The following KLHL1 variants were observed in gnomAD, a reference collection of about 807,000 sequenced individuals.
KLHL1 encodes the protein kelch-like protein 1.
Under a neutral mutation model 77.7 loss-of-function variants are expected in KLHL1, and 47 were observed. The ratio of observed to expected loss-of-function variants is 0.60; its 90% CI spans 0.48 to 0.77. The LOEUF is 0.77. KLHL1 is among the 30% of genes least tolerant of loss of function. KLHL1 has a pLI of 0.00. For synonymous variants in KLHL1, 360 were observed against 325.2 expected, an observed-to-expected ratio of 1.11 and a Z score of -1.15; for missense variants, 925 against 910.8, an observed-to-expected ratio of 1.02 and a Z score of -0.20.
chr13:69,792,769 G>A (rs1400304030), intron 7 of KLHL1, among the ~76,000 whole-genome samples: 1 of 152,050 alleles, frequency 6.6e-6, no homozygotes, highest in Non-Finnish European at 1.5e-5. Context: ...CTACATGAAA[G>A]AAGCCATACA....
At chr13:70,107,078 G>A in intron 1 of KLHL1, 125 bp downstream of exon 1, 1 of 1,380,364 alleles carries the variant, frequency 7.2e-7, no homozygotes, top group Non-Finnish European at 9.7e-7. Flanking sequence ...ATCAAAACCA[G>A]GGTGGCATCT....
At chr13:70,080,647 G>T (rs1215669868) in intron 1 of KLHL1, among the ~76,000 whole-genome samples, 1 of 151,734 alleles carries the variant, frequency 6.6e-6, no homozygotes, top group Non-Finnish European at 1.5e-5. Context: ...ACCAGGCTGG[G>T]GTGCAGTGTC....
rs1051913765 is a variant in KLHL1 at position 69,818,429 on chromosome 13, C to T, written c.1414+20547G>A. Among the ~76,000 whole-genome samples the T allele has an allele frequency of 4.6e-5, 7 of 151,916 alleles. No individual in the cohort carries two copies. The South Asian group carries it at 6.2e-4, about 13-fold the overall frequency. ...AGAGATGGGGTTTCACCATGTTGGT[C>T]AGGCTGGTCTCCATCTCTTGACCTC... On this transcript the variant is annotated intron_variant, in intron 6 of 10. Transcript: ENST00000377844.
intron 4 of KLHL1, among the ~76,000 whole-genome samples, chr13:69,931,083 T>C (rs1882990930): frequency 6.6e-6 from 1 of 151,408 alleles, no homozygotes; most frequent in Non-Finnish European, 1.5e-5. Flanking sequence ...AACACTACTT[T>C]ATAAAATGAT....
At chr13:69,872,300 A>G (rs546661661) in intron 5 of KLHL1, among the ~76,000 whole-genome samples, 1 of 152,266 alleles carries the variant, frequency 6.6e-6, no homozygotes, top group Non-Finnish European at 1.5e-5. Context: ...AAACATGAGC[A>G]ATCGGCCTGT....
chr13:69,719,334 T>C (rs1240324882), intron 9 of KLHL1, 35 bp downstream of exon 9: 1 of 1,580,188 alleles, frequency 6.3e-7, no homozygotes, highest in Non-Finnish European at 8.7e-7. Flanking sequence ...ATTTGCACTG[T>C]CTCTTTCGCT....
At chr13:69,750,559 C>A (rs1874432296) in intron 7 of KLHL1, among the ~76,000 whole-genome samples, 1 of 151,514 alleles carries the variant, frequency 6.6e-6, no homozygotes, top group Admixed American at 6.6e-5. Flanking sequence ...ACAAAAATCA[C>A]CCCCAAAATA....
rs1182997983 is a variant in KLHL1 at position 69,840,785 on chromosome 13, ATT to A, written c.1228-1625_1228-1624del. Among the ~76,000 whole-genome samples, 1,182 of 144,814 alleles carry A rather than the reference ATT, an allele frequency of 8.2e-3. 14 individuals carry two copies. Among genetic ancestry groups the A allele is most frequent in the African/African-American group, 0.027 (1,094 of 39,806 alleles). Reference sequence around the variant, plus strand: ...TTGAAAGGACTACTATTTTTAGTAAATTTTTTTTTTTTTATTCACCAAAGGGA... The same window carrying A: ...TTGAAAGGACTACTATTTTTAGTAAATTTTTTTTTTTATTCACCAAAGGGA... On this transcript the variant is annotated intron_variant, in intron 5 of 10. Coordinates refer to ENST00000377844, the MANE Select transcript of KLHL1 (RefSeq NM_020866.3).
At chr13:70,037,687 C>T (rs1886273606) in intron 1 of KLHL1, among the ~76,000 whole-genome samples, 1 of 151,882 alleles carries the variant, frequency 6.6e-6, no homozygotes, top group African/African-American at 2.4e-5. Context: ...TTTTAAATAT[C>T]TTCTTCATTC....
intron 3 of KLHL1, among the ~76,000 whole-genome samples, chr13:69,953,809 T>C (rs1161619259): frequency 1.3e-5 from 2 of 151,208 alleles, no homozygotes. Flanking sequence ...GTGAATATCC[T>C]CTCCCAGTTC....
At chr13:69,881,382 A>T (rs112039483) in intron 5 of KLHL1, among the ~76,000 whole-genome samples, 1 of 152,108 alleles carries the variant, frequency 6.6e-6, no homozygotes, top group Non-Finnish European at 1.5e-5. Context: ...TAACATATGG[A>T]TTAGTAAAAA....
intron 2 of KLHL1, 144 bp downstream of exon 2, chr13:69,975,476 C>A: frequency 1.4e-6 from 1 of 701,128 alleles, no homozygotes; most frequent in Non-Finnish European, 2.2e-6. Flanking sequence ...CAAGTATAAA[C>A]AAAACAAACA....
intron 1 of KLHL1, among the ~76,000 whole-genome samples, chr13:70,053,761 C>G (rs941483011): frequency 6.6e-6 from 1 of 152,088 alleles, no homozygotes; most frequent in Non-Finnish European, 1.5e-5. Context: ...AATGACCAGA[C>G]TAATTGCCTA....
At chr13:69,771,646 TC>T in intron 7 of KLHL1, among the ~76,000 whole-genome samples, 1 of 152,200 alleles carries the variant, frequency 6.6e-6, no homozygotes, top group Non-Finnish European at 1.5e-5. Context: ...AAACAGATAT[TC>T]TTTTTTCCTT....
chr13:69,992,126 G>A lies in KLHL1; in HGVS notation c.498-16324C>T, dbSNP rs1022326100. ...AGTATATGTCCTGGCCAGAAACTTC[G>A]AAATCTACTGAAACACTTCATTTTA... On this transcript the variant is annotated intron_variant, in intron 1 of 10. Coordinates refer to ENST00000377844, the MANE Select transcript of KLHL1 (RefSeq NM_020866.3). 5.3e-5 allele frequency among the ~76,000 whole-genome samples: 8 copies of A among 151,782 alleles called. 1 individual carries two copies. Among genetic ancestry groups the A allele is most frequent in the African/African-American group, 1.5e-4 (6 of 41,338 alleles).
In KLHL1 at chr13:69,909,544, T is replaced by TA. The variant is rs558093471; in HGVS notation, c.1015-27050dup. On this transcript the variant is annotated intron_variant, in intron 4 of 10. Coordinates refer to ENST00000377844, the MANE Select transcript of KLHL1 (RefSeq NM_020866.3). ...TTTTCTTTTGGGGATAATTTTTTTTTAAAAAAATCAAAAGTCCAGATATTT... is the reference window on the plus strand; with the variant it reads ...TTTTCTTTTGGGGATAATTTTTTTTTAAAAAAAATCAAAAGTCCAGATATTT... Among the ~76,000 whole-genome samples the TA allele has an allele frequency of 2.7e-4, 41 of 151,964 alleles. No homozygotes were observed. The South Asian group carries it at 4.8e-3, about 18-fold the overall frequency.
chr13:69,847,371 G>T (rs2161758), intron 5 of KLHL1, among the ~76,000 whole-genome samples: 5,910 of 148,698 alleles, frequency 0.04, 176 homozygotes, highest in African/African-American at 0.068. Flanking sequence ...TACATCATAA[G>T]CTATTCCTTA....
At chr13:70,059,877 C>T (rs1298671616) in intron 1 of KLHL1, among the ~76,000 whole-genome samples, 1 of 152,112 alleles carries the variant, frequency 6.6e-6, no homozygotes, top group African/African-American at 2.4e-5. Context: ...ACAACTAGAT[C>T]TCATGAGAAC....
chr13:69,993,080 C>T (rs1376878938), intron 1 of KLHL1, among the ~76,000 whole-genome samples: 1 of 151,892 alleles, frequency 6.6e-6, no homozygotes, highest in Non-Finnish European at 1.5e-5. Flanking sequence ...CCTATATATA[C>T]ATATATAATT....
Sources: allele counts gnomAD v4.1 joint callset (sites outside exome capture counted in the v4.1 genomes callset), GRCh38; gene constraint gnomAD v4.1.1; transcripts MANE v1.5; gene names NCBI Gene and HGNC (gene_info 2026-07-23, HGNC 2026-07-21).